The following COL13A1 variants were observed in gnomAD, a reference collection of about 807,000 sequenced individuals.
COL13A1 encodes collagen type XIII alpha 1 chain.
In COL13A1, 89 loss-of-function variants were observed where a neutral mutation model predicts 130.9. The observed-to-expected ratio is 0.68, with a 90% CI of 0.57 to 0.81. The LOEUF is 0.81. Among genes scored for constraint, COL13A1 ranks in the 30% least tolerant of loss-of-function variants. COL13A1 has a pLI of 0.00. For synonymous variants in COL13A1, 402 were observed against 341.6 expected, an observed-to-expected ratio of 1.18 and a Z score of -1.95; for missense variants, 879 against 934.6, an observed-to-expected ratio of 0.94 and a Z score of 0.78.
intron 1 of COL13A1, among the ~76,000 whole-genome samples, chr10:69,810,937 A>G (rs886149008): frequency 6.6e-6 from 1 of 152,226 alleles, no homozygotes; most frequent in South Asian, 2.1e-4. Flanking sequence ...AGCAAGGGCC[A>G]GCCAAGCACA....
At chr10:69,832,093 A>C (rs897720981) in intron 2 of COL13A1, among the ~76,000 whole-genome samples, 2 of 152,178 alleles carry the variant, frequency 1.3e-5, no homozygotes, top group Non-Finnish European at 2.9e-5. Context: ...TGAGGTCCCG[A>C]AGGCAATGGC....
chr10:69,918,248 G>T (rs746284577), intron 18 of COL13A1, 37 bp from the exon 19 acceptor site: 1 of 1,607,730 alleles, frequency 6.2e-7, no homozygotes, highest in Non-Finnish European at 8.5e-7. Flanking sequence ...CCTCGCTGCA[G>T]AATGTCTTCA....
chr10:69,876,294 A>G (rs772975670), intron 5 of COL13A1, among the ~76,000 whole-genome samples: 1 of 152,182 alleles, frequency 6.6e-6, no homozygotes, highest in Non-Finnish European at 1.5e-5. Flanking sequence ...CAGACAGCCC[A>G]ACTCCAAACC....
intron 33 of COL13A1, among the ~76,000 whole-genome samples, chr10:69,937,205 G>A (rs554283323): frequency 1.6e-3 from 244 of 152,318 alleles, no homozygotes; most frequent in African/African-American, 5.4e-3. Flanking sequence ...GCTGGGGGCT[G>A]TTGATGTGAC....
chr10:69,913,049 A>G (rs1319733208), intron 17 of COL13A1, among the ~76,000 whole-genome samples: 1 of 152,196 alleles, frequency 6.6e-6, no homozygotes, highest in Non-Finnish European at 1.5e-5. Flanking sequence ...CAGGCCTTCA[A>G]GGTCATTCAA....
At chr10:69,805,260 G>A (rs1841239476) in intron 1 of COL13A1, among the ~76,000 whole-genome samples, 1 of 152,182 alleles carries the variant, frequency 6.6e-6, no homozygotes, top group Non-Finnish European at 1.5e-5. Context: ...TGGCAAAGCA[G>A]TAAGGCCAAA....
intron 2 of COL13A1, among the ~76,000 whole-genome samples, chr10:69,853,629 T>C (rs2133609922): frequency 6.6e-6 from 1 of 152,270 alleles, no homozygotes; most frequent in Middle Eastern, 3.4e-3. Context: ...TGTACAAAGA[T>C]ATTCACTGCA....
chr10:69,928,670 C>T (rs542589389), intron 27 of COL13A1, among the ~76,000 whole-genome samples: 18 of 152,300 alleles, frequency 1.2e-4, no homozygotes, highest in African/African-American at 4.3e-4. Context: ...CAAAGGGCGA[C>T]CAGAGATGCC....
In COL13A1 at chr10:69,810,372, G is replaced by GACAC. The variant is rs1238730021; in HGVS notation, c.294+7656_294+7657insCACA. 2.0e-4 allele frequency among the ~76,000 whole-genome samples: 31 copies of GACAC among 151,416 alleles called. 1 individual carries two copies. Among genetic ancestry groups the GACAC allele is most frequent in the African/African-American group, 5.8e-4 (24 of 41,222 alleles). ...TGAGAGAGAGAGAGAGAGAGAGAGAGAGAGAGAGACAGAGAGTCTGTGTGG... is the reference window on the plus strand; with the variant it reads ...TGAGAGAGAGAGAGAGAGAGAGAGAGACACAGAGAGAGACAGAGAGTCTGTGTGG... On this transcript the variant is annotated intron_variant, in intron 1 of 40. Coordinates refer to ENST00000645393, the MANE Select transcript of COL13A1 (RefSeq NM_001368882.1).
chr10:69,930,535 G>A lies in COL13A1; in HGVS notation c.1666G>A (p.Gly556Arg), dbSNP rs2065979558. The A allele has an allele frequency of 6.2e-7, 1 of 1,613,536 alleles. No homozygotes were observed. The highest frequency in any genetic ancestry group is 8.5e-7 in the Non-Finnish European group (1 of 1,179,744). The change falls in exon 30 of 41, where the codon GGA becomes AGA. Residue 556 changes from glycine (G) to arginine (R), a missense_variant. Transcript: ENST00000645393. Reference sequence around the variant, plus strand: ...AGAGAAGGGGGAAAAAGGGGAGACAGGACAAGCAGGCTCACCGGTGAGTGG... The same window carrying A: ...AGAGAAGGGGGAAAAAGGGGAGACAAGACAAGCAGGCTCACCGGTGAGTGG... ...PGEKGEKGET[G>R]QAGSPGEKGE...
intron 16 of COL13A1, 27 bp downstream of exon 16, chr10:69,904,986 G>T: frequency 6.4e-7 from 1 of 1,553,404 alleles, no homozygotes; most frequent in South Asian, 1.2e-5. Flanking sequence ...GTGATGTGTT[G>T]AACAGGTGGG....
chr10:69,859,998 T>G (rs4468240), intron 2 of COL13A1, among the ~76,000 whole-genome samples: 102,452 of 152,092 alleles, frequency 0.67, 35,100 homozygotes, highest in East Asian at 0.96. Context: ...AGCTTGCTTC[T>G]GAGTAGAGAC....
intron 21 of COL13A1, among the ~76,000 whole-genome samples, chr10:69,921,290 C>T (rs1038985443): frequency 5.9e-5 from 9 of 152,164 alleles, no homozygotes; most frequent in African/African-American, 2.2e-4. Flanking sequence ...CATGTCTGTG[C>T]CCAAATTTCT....
intron 14 of COL13A1, among the ~76,000 whole-genome samples, chr10:69,900,858 A>T (rs574329333): frequency 6.6e-6 from 1 of 152,316 alleles, no homozygotes; most frequent in East Asian, 1.9e-4. Context: ...CAGAGAATTC[A>T]ACTTCTTGGA....
At chr10:69,858,009 A>G (rs1331192942) in intron 2 of COL13A1, among the ~76,000 whole-genome samples, 1 of 151,226 alleles carries the variant, frequency 6.6e-6, no homozygotes, top group African/African-American at 2.4e-5. Flanking sequence ...CCAGCTACTC[A>G]AGAGGCTGAG....
chr10:69,935,462 C>A, intron 32 of COL13A1, 71 bp downstream of exon 32: 1 of 1,202,624 alleles, frequency 8.3e-7, no homozygotes, highest in Non-Finnish European at 1.2e-6. Context: ...TGGGCTCAAC[C>A]TCAGCCTTAG....
chr10:69,868,440 G>A (rs1341540718), intron 3 of COL13A1, among the ~76,000 whole-genome samples: 2 of 152,206 alleles, frequency 1.3e-5, no homozygotes, highest in African/African-American at 4.8e-5. Flanking sequence ...GGCAGGGAGT[G>A]GAGCCACTTC....
At chr10:69,921,787 AG>A in intron 21 of COL13A1, 94 bp from the exon 22 acceptor site, 1 of 1,495,844 alleles carries the variant, frequency 6.7e-7, no homozygotes. Flanking sequence ...GGCAGGAGCA[AG>A]GGAAGGCAAG....
intron 40 of COL13A1, 30 bp from the exon 41 acceptor site, chr10:69,958,669 A>G: frequency 6.2e-7 from 1 of 1,613,958 alleles, no homozygotes; most frequent in Non-Finnish European, 8.5e-7. Flanking sequence ...ACTGAAACTA[A>G]CAGAACATTG....
Sources: gnomAD v4.1 joint callset for allele counts (sites outside exome capture counted in the v4.1 genomes callset) on GRCh38, gnomAD v4.1.1 for gene constraint, MANE v1.5 for transcripts, NCBI Gene and HGNC (gene_info 2026-07-23, HGNC 2026-07-21) for gene names.